ATG14: variants seen among roughly 807,000 people sequenced by gnomAD.
ATG14 encodes autophagy related 14.
Under a neutral mutation model 60.4 loss-of-function variants are expected in ATG14, and 35 were observed. That is an observed-to-expected ratio of 0.58 (90% CI 0.44 to 0.77). ATG14 has a LOEUF of 0.77. Among genes scored for constraint, ATG14 ranks in the 30% least tolerant of loss-of-function variants. The pLI is 0.00. For synonymous variants in ATG14, 234 were observed against 228.8 expected (o/e 1.02, Z -0.21); for missense variants, 647 against 626.3 (o/e 1.03, Z -0.35).
At chr14:55,402,272 C>T (rs1211388833) in intron 1 of ATG14, among the ~76,000 whole-genome samples, 1 of 152,116 alleles carries the variant, frequency 6.6e-6, no homozygotes, top group South Asian at 2.1e-4. Flanking sequence ...TAGGGCTAAA[C>T]ATTTACTTTG....
intron 9 of ATG14, among the ~76,000 whole-genome samples, chr14:55,370,223 C>CCTAAGT (rs1884783132): frequency 6.6e-6 from 1 of 152,172 alleles, no homozygotes; most frequent in African/African-American, 2.4e-5. Context: ...CCATGCTGGT[C>CCTAAGT]CTAAGTCTGA....
intron 4 of ATG14, among the ~76,000 whole-genome samples, chr14:55,389,176 A>G (rs535774444): frequency 6.6e-5 from 10 of 152,344 alleles, no homozygotes; most frequent in Middle Eastern, 6.8e-3. Flanking sequence ...GGAATGTGTT[A>G]AAAAGAGCTG....
rs1170332721 is a variant in ATG14 at position 55,367,602 on chromosome 14, G to T, written c.*2017C>A. On this transcript the variant is annotated 3_prime_UTR_variant, in exon 10 of 10. Transcript: ENST00000247178. ...TTTACTAAAATACAAAAATTAGCTG[G>T]GCATGATGGCAGGTGCCTATAATCC... 1.3e-5 allele frequency: 2 copies of T among 152,162 alleles called. No homozygotes were observed. Among genetic ancestry groups the T allele is most frequent in the African/African-American group, 4.8e-5 (2 of 41,430 alleles). The allele number at this position is 152,162 out of a possible 1,614,324, so 9.4% of individuals were successfully genotyped here.
rs761525968 is a variant in ATG14, at chr14:55,391,023, CGTT to C, written c.328-34_328-32del. 13 of 1,506,874 alleles carry C rather than the reference CGTT, an allele frequency of 8.6e-6. No individual in the cohort carries two copies. The Admixed American group carries it at 9.1e-5, about 11-fold the overall frequency. 93.3% of individuals were successfully genotyped at this position (1,506,874 alleles called of 1,614,324 possible). A position where few individuals can be genotyped will look rare whatever the true frequency, so the allele number is the denominator to read the frequency against. On this transcript the variant is annotated intron_variant, in intron 3 of 9. Transcript: ENST00000247178. ...AAAAGCATGTAATAAATATCACAAA[CGTT>C]GGTCTCTTATGGTTAATATGATTAT...
intron 4 of ATG14, among the ~76,000 whole-genome samples, chr14:55,386,805 G>C (rs1226273868): frequency 6.6e-6 from 1 of 152,136 alleles, no homozygotes; most frequent in Middle Eastern, 3.2e-3. Context: ...TAGGGCTGTT[G>C]GGCTGTAGCT....
intron 1 of ATG14, among the ~76,000 whole-genome samples, chr14:55,409,504 A>G (rs61106193): frequency 0.037 from 5,621 of 152,228 alleles, 344 homozygotes; most frequent in African/African-American, 0.13. Context: ...TTAAATACGC[A>G]TGAGGTTAGC....
At chr14:55,388,987 G>A (rs895836328) in intron 4 of ATG14, among the ~76,000 whole-genome samples, 3 of 152,150 alleles carry the variant, frequency 2.0e-5, no homozygotes, top group Admixed American at 6.5e-5. Flanking sequence ...TTGCCATCAC[G>A]TTCAAGCATG....
At chr14:55,405,313 A>G (rs143685748) in intron 1 of ATG14, among the ~76,000 whole-genome samples, 1 of 152,312 alleles carries the variant, frequency 6.6e-6, no homozygotes, top group African/African-American at 2.4e-5. Context: ...TGAAATCTGC[A>G]ATAATATTTA....
At chr14:55,372,389 C>G (rs951581957) in intron 9 of ATG14, among the ~76,000 whole-genome samples, 1 of 152,172 alleles carries the variant, frequency 6.6e-6, no homozygotes, top group African/African-American at 2.4e-5. Flanking sequence ...CCTGGGCTCC[C>G]TCCTTTACTA....
chr14:55,402,452 G>T (rs889011357), intron 1 of ATG14, among the ~76,000 whole-genome samples: 5 of 152,126 alleles, frequency 3.3e-5, no homozygotes, highest in Non-Finnish European at 7.3e-5. Flanking sequence ...CAGAGATGAG[G>T]AAAGATTCAT....
At chr14:55,383,573 C>T (rs1239302514) in intron 5 of ATG14, among the ~76,000 whole-genome samples, 1 of 148,906 alleles carries the variant, frequency 6.7e-6, no homozygotes, top group African/African-American at 2.6e-5. Context: ...AAAAACAAAA[C>T]AACAACAACA....
intron 5 of ATG14, among the ~76,000 whole-genome samples, chr14:55,385,422 A>T (rs904200680): frequency 6.6e-6 from 1 of 152,188 alleles, no homozygotes; most frequent in African/African-American, 2.4e-5. Context: ...CCACCTGAGT[A>T]GCTGGGACTA....
intron 7 of ATG14, among the ~76,000 whole-genome samples, 199 bp downstream of exon 7, chr14:55,380,374 A>T (rs1885005195): frequency 6.6e-6 from 1 of 152,196 alleles, no homozygotes; most frequent in Non-Finnish European, 1.5e-5. Context: ...GGTCTTCTGG[A>T]AGACTTCACG....
intron 1 of ATG14, among the ~76,000 whole-genome samples, chr14:55,402,633 C>T (rs563003121): frequency 3.6e-4 from 55 of 151,594 alleles, no homozygotes; most frequent in African/African-American, 1.2e-3. Context: ...GTATGATTTT[C>T]ATAGGCAAAT....
At chr14:55,381,910 T>C in intron 6 of ATG14, 52 bp downstream of exon 6, 1 of 1,496,222 alleles carries the variant, frequency 6.7e-7, no homozygotes, top group Non-Finnish European at 9.3e-7. Flanking sequence ...TATGTCAATT[T>C]TACCTATAAC....
Position 55,382,228 on chromosome 14 carries a change from G to T in ATG14, c.648-37C>A, listed in dbSNP as rs76241227. ...AAGACACACACGGATTTTCAAGAGA[G>T]AGGGTTTTTAAGGGCATGCAATATA... On this transcript the variant is annotated intron_variant, in intron 5 of 9. Coordinates refer to ENST00000247178, the MANE Select transcript of ATG14 (RefSeq NM_014924.5). 2.7e-3 allele frequency: 4,331 copies of T among 1,602,246 alleles called. 97 individuals are homozygous for T. The African/African-American group carries it at 0.049, about 18-fold the overall frequency.
In ATG14 at chr14:55,382,048, G is replaced by A. The variant is rs1445840714; in HGVS notation, c.791C>T (p.Thr264Ile). 6.2e-7 allele frequency: 1 copy of A among 1,614,216 alleles called. No individual in the cohort carries two copies. The highest frequency in any genetic ancestry group is 8.5e-7 in the Non-Finnish European group (1 of 1,180,024). ...GTTAGGGAGGCTAATCCAAGGCCCT[G>A]TAATGCTAATGCTGGTGTCTCCGTT... Reference protein sequence around the residue: ...DHNGDTSISITGPWISLPNNG... With the variant: ...DHNGDTSISIIGPWISLPNNG... Residue 264 changes from threonine (T) to isoleucine (I), a missense_variant, in exon 6 of 10, where the codon ACA becomes ATA. Thr to Ile is a moderately conservative substitution (Grantham distance 89). Transcript: ENST00000247178.
Position 55,386,073 on chromosome 14 carries a change from T to C in ATG14, c.433A>G (p.Lys145Glu). 4 of 1,611,044 alleles carry C rather than the reference T, an allele frequency of 2.5e-6. No homozygotes were observed. The Middle Eastern group carries it at 5.0e-4, about 200-fold the overall frequency. The change falls in exon 5 of 10, where the codon AAG becomes GAG. Residue 145 changes from lysine (K) to glutamate (E), a missense_variant. Physicochemically the swap from Lys to Glu is moderately conservative, Grantham distance 56 (BLOSUM62 1). Coordinates refer to ENST00000247178, the MANE Select transcript of ATG14 (RefSeq NM_014924.5). ...EKNSEGLLKT[K>E]EKNQKLYSRA... is the part of the protein sequence containing the mutation. ...CTGTAAAGCTTCTGATTCTTTTCCT[T>C]GGTTTTGAGAAGGCCTTCAGAATCT...
chr14:55,383,783 C>T (rs1466784925), intron 5 of ATG14, among the ~76,000 whole-genome samples: 1 of 151,970 alleles, frequency 6.6e-6, no homozygotes, highest in East Asian at 1.9e-4. Context: ...AAAAACCCAC[C>T]ATGAGAAGTC....
Sources: allele counts gnomAD v4.1 joint callset (sites outside exome capture counted in the v4.1 genomes callset), GRCh38; gene constraint gnomAD v4.1.1; transcripts MANE v1.5; gene names NCBI Gene and HGNC (gene_info 2026-07-23, HGNC 2026-07-21).